The following NTAQ1 variants were observed in gnomAD, a reference collection of about 807,000 sequenced individuals.
NTAQ1 encodes the protein protein N-terminal glutamine amidohydrolase.
NTAQ1 carries 21 observed loss-of-function variants against 28.2 expected under a neutral mutation model. That is an observed-to-expected ratio of 0.74 (90% CI 0.53 to 1.07). The LOEUF (loss-of-function observed/expected upper bound fraction) is 1.07, where lower values mean the gene tolerates loss of function less well. Among genes scored for constraint, NTAQ1 ranks in the 50% least tolerant of loss-of-function variants. The pLI is 0.00. For synonymous variants in NTAQ1, 105 were observed against 90.0 expected, an observed-to-expected ratio of 1.17 and a Z score of -0.94; for missense variants, 264 against 256.6, an observed-to-expected ratio of 1.03 and a Z score of -0.20.
chr8:123,449,911 A>ATGTG (rs68002945), downstream of NTAQ1, among the ~76,000 whole-genome samples: 29,222 of 86,122 alleles, frequency 0.34, 5,852 homozygotes, highest in East Asian at 0.56. Context: ...ATATGTATAT[A>ATGTG]TGTGTGTGTA....
chr8:123,420,615 A>C (rs1323354796), intron 1 of NTAQ1, among the ~76,000 whole-genome samples: 1 of 96,340 alleles, frequency 1.0e-5, no homozygotes, highest in African/African-American at 3.9e-5. Flanking sequence ...TTTTTGAGAC[A>C]GGGTCTCACT....
chr8:123,471,273 G>T (rs1035101440), downstream of NTAQ1, among the ~76,000 whole-genome samples: 7 of 151,880 alleles, frequency 4.6e-5, no homozygotes, highest in African/African-American at 1.2e-4. Flanking sequence ...CAGGTTAAAG[G>T]CTCACTCTAC....
chr8:123,448,513 T>G (rs3932063), downstream of NTAQ1, among the ~76,000 whole-genome samples: 21 of 152,036 alleles, frequency 1.4e-4, no homozygotes, highest in Admixed American at 5.2e-4. Context: ...CTCGGGAGGC[T>G]TGAGTATCAC....
chr8:123,423,671 A>G (rs1275400650), intron 1 of NTAQ1, among the ~76,000 whole-genome samples: 1 of 152,028 alleles, frequency 6.6e-6, no homozygotes, highest in Non-Finnish European at 1.5e-5. Flanking sequence ...ATTCTCCTAC[A>G]TGATATTCGT....
At chr8:123,461,053 C>A (rs1375572099) in intron 6 of NTAQ1, among the ~76,000 whole-genome samples, 1 of 152,190 alleles carries the variant, frequency 6.6e-6, no homozygotes, top group Non-Finnish European at 1.5e-5. Context: ...TCCATAGGCA[C>A]CCTCCTTACT....
downstream of NTAQ1, among the ~76,000 whole-genome samples, chr8:123,470,439 A>T (rs1005219276): frequency 1.1e-4 from 16 of 152,256 alleles, no homozygotes; most frequent in African/African-American, 3.6e-4. Context: ...GAGGCCCTAC[A>T]GGCTGAGGGT....
chr8:123,454,834 G>T, intron 6 of NTAQ1: 1 of 152,330 alleles, frequency 6.6e-6, no homozygotes, highest in Non-Finnish European at 1.5e-5. Context: ...AGAGCATCTG[G>T]GGGGTACCAG....
At chr8:123,454,456 C>T (rs1369396798) in intron 6 of NTAQ1, among the ~76,000 whole-genome samples, 1 of 152,154 alleles carries the variant, frequency 6.6e-6, no homozygotes, top group Non-Finnish European at 1.5e-5. Context: ...ACAACTCCAC[C>T]TCCCAGGTTC....
At chr8:123,417,411 C>T (rs1813367145) in intron 1 of NTAQ1, among the ~76,000 whole-genome samples, 1 of 152,120 alleles carries the variant, frequency 6.6e-6, no homozygotes, top group African/African-American at 2.4e-5. Flanking sequence ...ATCACAATAA[C>T]CGTAAGAGGT....
chr8:123,419,218 C>T (rs1360164343), intron 1 of NTAQ1, among the ~76,000 whole-genome samples: 1 of 151,492 alleles, frequency 6.6e-6, no homozygotes, highest in Non-Finnish European at 1.5e-5. Context: ...TCTGCCTCAG[C>T]CTCCTGAGTA....
At chr8:123,427,896 T>C in intron 1 of NTAQ1, 28 bp from the exon 2 acceptor site, 1 of 1,531,780 alleles carries the variant, frequency 6.5e-7, no homozygotes, top group East Asian at 2.3e-5. Context: ...TGTTCTCTAA[T>C]CTTGATTAAA....
At chr8:123,434,487 T>C (rs1239641921) in intron 3 of NTAQ1, among the ~76,000 whole-genome samples, 1 of 151,680 alleles carries the variant, frequency 6.6e-6, no homozygotes, top group Non-Finnish European at 1.5e-5. Context: ...ATTAGCTGGG[T>C]GTGGTGGCGC....
downstream of NTAQ1, among the ~76,000 whole-genome samples, chr8:123,449,963 A>ATG (rs1563902060): frequency 5.4e-5 from 3 of 56,050 alleles, no homozygotes; most frequent in Non-Finnish European, 3.4e-5. Context: ...ATATATATAT[A>ATG]TATATATATA....
At chr8:123,431,562 C>T (rs902099789) in intron 3 of NTAQ1, among the ~76,000 whole-genome samples, 3 of 152,182 alleles carry the variant, frequency 2.0e-5, no homozygotes, top group African/African-American at 4.8e-5. Context: ...ACAGAGCTGA[C>T]GTTCTCAGTT....
intron 5 of NTAQ1, among the ~76,000 whole-genome samples, chr8:123,440,215 G>C (rs1365401613): frequency 8.0e-6 from 1 of 124,886 alleles, no homozygotes; most frequent in Non-Finnish European, 1.6e-5. Flanking sequence ...GAGTGCAGTG[G>C]CACAATCTTG....
intron 6 of NTAQ1, among the ~76,000 whole-genome samples, chr8:123,453,366 G>T (rs1398372290): frequency 6.6e-6 from 1 of 151,824 alleles, no homozygotes. Flanking sequence ...AAATGAGATT[G>T]TGTGTGTGTT....
chr8:123,442,596 G>GAA (rs80278009), downstream of NTAQ1, among the ~76,000 whole-genome samples: 40 of 124,984 alleles, frequency 3.2e-4, no homozygotes, highest in African/African-American at 6.0e-4. Flanking sequence ...CTCCATCTCA[G>GAA]AAAAAAAAAA....
chr8:123,433,925 A>ATTTT (rs35940452), intron 3 of NTAQ1, among the ~76,000 whole-genome samples: 3 of 148,860 alleles, frequency 2.0e-5, no homozygotes, highest in Non-Finnish European at 3.0e-5. Context: ...TTTTTTTGTG[A>ATTTT]TTTTTTTTTT....
chr8:123,465,574 CTT>C (rs71310691), intron 6 of NTAQ1, among the ~76,000 whole-genome samples: 10 of 78,572 alleles, frequency 1.3e-4, no homozygotes, highest in African/African-American at 4.5e-4. Context: ...AGCATAACAT[CTT>C]TTTTTTTTTT....
Sources: gnomAD v4.1 joint callset for allele counts (sites outside exome capture counted in the v4.1 genomes callset) on GRCh38, gnomAD v4.1.1 for gene constraint, MANE v1.5 for transcripts, NCBI Gene and HGNC (gene_info 2026-07-23, HGNC 2026-07-21) for gene names.